ANK1: variants seen among roughly 807,000 people sequenced by gnomAD.
The protein encoded by ANK1 is ankyrin 1.
In ANK1, 51 loss-of-function variants were observed where a neutral mutation model predicts 210.4. The ratio of observed to expected loss-of-function variants is 0.24; its 90% CI spans 0.19 to 0.31. The LOEUF is 0.31. Among genes scored for constraint, ANK1 ranks in the 10% least tolerant of loss-of-function variants. The pLI is 1.00. For synonymous variants in ANK1, 967 were observed against 1,025.9 expected (o/e 0.94, Z 1.10); for missense variants, 2,051 against 2,504.4 (o/e 0.82, Z 3.86).
At chr8:41,740,058 C>T (rs1834379800) in intron 2 of ANK1, among the ~76,000 whole-genome samples, 1 of 151,986 alleles carries the variant, frequency 6.6e-6, no homozygotes, top group African/African-American at 2.4e-5. Flanking sequence ...TCCCCCTTCT[C>T]TGTGGCAGCA....
At chr8:41,856,329 C>T (rs1812168930) in intron 1 of ANK1, among the ~76,000 whole-genome samples, 1 of 152,186 alleles carries the variant, frequency 6.6e-6, no homozygotes, top group Non-Finnish European at 1.5e-5. Context: ...GACTGCACCT[C>T]AACTAATGTT....
chr8:41,692,041 A>G (rs1324800172), intron 31 of ANK1, among the ~76,000 whole-genome samples: 2 of 146,108 alleles, frequency 1.4e-5, no homozygotes, highest in Non-Finnish European at 3.0e-5. Flanking sequence ...CCCCACCACC[A>G]TACTCAGCTG....
At chr8:41,776,428 C>G (rs1206706577) in intron 1 of ANK1, among the ~76,000 whole-genome samples, 8 of 152,058 alleles carry the variant, frequency 5.3e-5, no homozygotes, top group Non-Finnish European at 1.2e-4. Flanking sequence ...CAGTCCACTC[C>G]AATCGAGTTC....
At chr8:41,791,495 C>T (rs1356991326) in intron 1 of ANK1, among the ~76,000 whole-genome samples, 17 of 143,826 alleles carry the variant, frequency 1.2e-4, no homozygotes. Flanking sequence ...GGCTAGAGTG[C>T]AGCTCTGCTC....
chr8:41,863,755 C>A (rs1813743259), intron 1 of ANK1, among the ~76,000 whole-genome samples: 1 of 152,190 alleles, frequency 6.6e-6, no homozygotes, highest in African/African-American at 2.4e-5. Context: ...TAATGTCATA[C>A]AAGTTGAAAG....
intron 1 of ANK1, among the ~76,000 whole-genome samples, chr8:41,870,581 G>A (rs1346614901): frequency 6.6e-6 from 1 of 152,224 alleles, no homozygotes; most frequent in Non-Finnish European, 1.5e-5. Flanking sequence ...AGAAATGTGA[G>A]GTTACTGGGC....
At chr8:41,695,369 T>A (rs1327530325) in intron 26 of ANK1, 38 bp from the exon 27 acceptor site, 1 of 1,612,320 alleles carries the variant, frequency 6.2e-7, no homozygotes, top group African/African-American at 1.3e-5. Context: ...GAGGTGCTCA[T>A]ACAAGGCAGG....
At position 41,696,234 on chromosome 8, in the gene ANK1, C is replaced by T. The variant is rs563345100; in HGVS notation, c.2960+129G>A. On this transcript the variant is annotated intron_variant, in intron 26 of 42. Coordinates refer to ENST00000289734, the MANE Select transcript of ANK1 (RefSeq NM_000037.4). ...GCCCTCTCAGGGCTATGGACACCTT[C>T]GTGTGTCAGGAAAAGTCAGGGAAAG... 1.7e-4 allele frequency: 177 copies of T among 1,035,096 alleles called. No homozygotes were observed. The African/African-American group carries it at 1.8e-3, about 11-fold the overall frequency. 64.1% of individuals were successfully genotyped at this position (1,035,096 alleles called of 1,614,324 possible).
chr8:41,709,428 C>T (rs755089506), intron 16 of ANK1, among the ~76,000 whole-genome samples: 3 of 152,264 alleles, frequency 2.0e-5, no homozygotes, highest in Non-Finnish European at 4.4e-5. Context: ...GTTTAAGGGA[C>T]ATGCACCTGG....
rs371315168 is a variant in ANK1, at chr8:41,747,881, C to A, written c.129+10155G>T. 1.2e-4 allele frequency among the ~76,000 whole-genome samples: 18 copies of A among 152,268 alleles called. No homozygotes were observed. The East Asian group carries it at 1.4e-3, about 11-fold the overall frequency. On this transcript the variant is annotated intron_variant, in intron 2 of 42. Transcript: ENST00000289734. ...AACTGAACTGGTCAATTAGCTCTTC[C>A]TTGGCTGCAGAGGAAGGGAAAATGA...
chr8:41,761,034 TGAGAC>T (rs1422096396), intron 1 of ANK1, among the ~76,000 whole-genome samples: 1 of 152,072 alleles, frequency 6.6e-6, no homozygotes, highest in Non-Finnish European at 1.5e-5. Flanking sequence ...TCATGGATCT[TGAGAC>T]GAGATCATCC....
chr8:41,822,093 AGAG>A (rs1563844639), intron 1 of ANK1, among the ~76,000 whole-genome samples: 9 of 54,890 alleles, frequency 1.6e-4, no homozygotes, highest in African/African-American at 7.2e-4. Flanking sequence ...AGAGAGAGAG[AGAG>A]AGAGAGAGAG....
At position 41,821,349 on chromosome 8, in the gene ANK1, G is replaced by A. The variant is rs549017216; in HGVS notation, c.127-63212C>T. On this transcript the variant is annotated intron_variant, in intron 1 of 42. Coordinates refer to the ANK1 transcript ENST00000265709. ...ATGGTCTATTTGTTTATATCACTTT[G>A]TGGCACTTAGGGAGTACTTTGTTGT... Among the ~76,000 whole-genome samples the A allele has an allele frequency of 4.2e-4, 64 of 152,208 alleles. 1 individual carries two copies. Among genetic ancestry groups the A allele is most frequent in the African/African-American group, 1.5e-3 (64 of 41,540 alleles).
intron 1 of ANK1, among the ~76,000 whole-genome samples, chr8:41,847,322 G>A (rs147903428): frequency 3.2e-4 from 48 of 152,262 alleles, no homozygotes; most frequent in African/African-American, 1.0e-3. Flanking sequence ...CGAGGAAGAC[G>A]GTGCAGGTGG....
intron 10 of ANK1, among the ~76,000 whole-genome samples, chr8:41,718,983 G>A (rs1828497310): frequency 6.6e-6 from 1 of 152,236 alleles, no homozygotes; most frequent in Non-Finnish European, 1.5e-5. Flanking sequence ...TTTTGAGCGA[G>A]TGAGTGAATG....
intron 1 of ANK1, among the ~76,000 whole-genome samples, chr8:41,858,491 G>A (rs1418176481): frequency 6.6e-6 from 1 of 152,240 alleles, no homozygotes; most frequent in Non-Finnish European, 1.5e-5. Context: ...CCCAAGCTGG[G>A]TGTCCACTGG....
intron 1 of ANK1, among the ~76,000 whole-genome samples, chr8:41,805,065 T>TGTGTGTGTGTGTGTGTGTC (rs67736355): frequency 9.6e-5 from 5 of 52,106 alleles, no homozygotes; most frequent in Non-Finnish European, 2.2e-4. Flanking sequence ...TCTTTCTCTC[T>TGTGTGTGTGTGTGTGTGTC]GTGTGTGTGT....
At chr8:41,840,888 A>G (rs185756775) in intron 1 of ANK1, among the ~76,000 whole-genome samples, 2 of 152,304 alleles carry the variant, frequency 1.3e-5, no homozygotes, top group Non-Finnish European at 2.9e-5. Flanking sequence ...GGATGGCCAT[A>G]TTGAAACAAA....
At chr8:41,837,284 CA>C (rs1554646504) in intron 1 of ANK1, among the ~76,000 whole-genome samples, 1 of 152,214 alleles carries the variant, frequency 6.6e-6, no homozygotes, top group Non-Finnish European at 1.5e-5. Flanking sequence ...AGTTCCGGGA[CA>C]AAAGTGAACA....
Sources: gnomAD v4.1 joint callset for allele counts (sites outside exome capture counted in the v4.1 genomes callset) on GRCh38, gnomAD v4.1.1 for gene constraint, MANE v1.5 for transcripts, NCBI Gene and HGNC (gene_info 2026-07-23, HGNC 2026-07-21) for gene names.